UBA6: variants seen among roughly 807,000 people sequenced by gnomAD.
The protein encoded by UBA6 is ubiquitin-like modifier-activating enzyme 6.
In UBA6, 87 loss-of-function variants were observed where a neutral mutation model predicts 148.3. That is an observed-to-expected ratio of 0.59 (90% confidence interval 0.49 to 0.70). The LOEUF (loss-of-function observed/expected upper bound fraction) is 0.70. Among genes scored for constraint, UBA6 ranks in the 30% least tolerant of loss-of-function variants. The pLI is 0.00. For missense variants in UBA6, 1,186 were observed against 1,241.2 expected (o/e 0.96, Z 0.67); for synonymous variants, 376 against 401.0 (o/e 0.94, Z 0.75).
intron 32 of UBA6, among the ~76,000 whole-genome samples, chr4:67,620,482 G>T (rs1178737375): frequency 6.6e-6 from 1 of 152,042 alleles, no homozygotes; most frequent in African/African-American, 2.4e-5. Context: ...ACCTAGCCAG[G>T]TCACTGTCTC....
Position 67,630,484 on chromosome 4 carries a change from A to G in UBA6, c.2310T>C (p.Cys770=). Residue 770 remains cysteine (C), a synonymous_variant, in exon 26 of 33, where the codon TGT becomes TGC. Transcript: ENST00000322244. ...NAAKLYATVY[C]IPFAEEDLSA... Reference sequence around the variant, plus strand: ...ATCTTACCTCTTCTGCAAATGGAATACAATATACTGTAGCATATAGTTTTG... The same window carrying G: ...ATCTTACCTCTTCTGCAAATGGAATGCAATATACTGTAGCATATAGTTTTG... 1 of 1,588,904 alleles carries G rather than the reference A, an allele frequency of 6.3e-7. No individual in the cohort carries two copies. The highest frequency in any genetic ancestry group is 1.1e-5 in the South Asian group (1 of 86,996).
At chr4:67,630,010 G>C (rs1418803558) in intron 26 of UBA6, among the ~76,000 whole-genome samples, 2 of 152,076 alleles carry the variant, frequency 1.3e-5, no homozygotes, top group Non-Finnish European at 2.9e-5. Flanking sequence ...TGAGTATGAT[G>C]CTAAAGTAAG....
At chr4:67,661,460 G>A (rs1560491515) in intron 13 of UBA6, among the ~76,000 whole-genome samples, 1 of 152,118 alleles carries the variant, frequency 6.6e-6, no homozygotes, top group Admixed American at 6.6e-5. Flanking sequence ...CCTGTGAAGA[G>A]GTGCCTGCTT....
intron 14 of UBA6, among the ~76,000 whole-genome samples, chr4:67,647,632 G>A (rs950057438): frequency 2.0e-5 from 3 of 152,012 alleles, no homozygotes; most frequent in East Asian, 1.9e-4. Context: ...ATTAATTTAA[G>A]TTAATGAAGA....
chr4:67,650,647 T>C (rs556909533), intron 13 of UBA6, among the ~76,000 whole-genome samples: 1 of 152,252 alleles, frequency 6.6e-6, no homozygotes, highest in South Asian at 2.1e-4. Context: ...CCATCAGCAC[T>C]CTCTCTGGAT....
At chr4:67,630,666 T>C (rs1387509078) in intron 25 of UBA6, 131 bp from the exon 26 acceptor site, 2 of 608,582 alleles carry the variant, frequency 3.3e-6, no homozygotes, top group Non-Finnish European at 5.2e-6. Context: ...TCAAGTTTTT[T>C]TTTTTAAGTT....
At chr4:67,633,106 GA>G (rs900422112) in intron 23 of UBA6, among the ~76,000 whole-genome samples, 10 of 152,062 alleles carry the variant, frequency 6.6e-5, no homozygotes, top group African/African-American at 2.4e-4. Flanking sequence ...GATATGGGTG[GA>G]AATGGCAAAA....
rs142587617 is a variant in UBA6 at position 67,639,914 on chromosome 4, A to T, written c.1555-790T>A. On this transcript the variant is annotated intron_variant, in intron 18 of 32. Coordinates refer to ENST00000322244, the MANE Select transcript of UBA6 (RefSeq NM_018227.6). ...TTTCAGATCCTGGTTGACCATGGCTAACTGAAACTGTGGCAAGCAAAACTG... is the reference window on the plus strand; with the variant it reads ...TTTCAGATCCTGGTTGACCATGGCTTACTGAAACTGTGGCAAGCAAAACTG... 2.6e-3 allele frequency among the ~76,000 whole-genome samples: 396 copies of T among 152,322 alleles called. 2 individuals carry two copies. Among genetic ancestry groups the T allele is most frequent in the African/African-American group, 8.6e-3 (359 of 41,568 alleles).
intron 13 of UBA6, among the ~76,000 whole-genome samples, chr4:67,656,894 AAGAGATAGCC>A (rs1729712042): frequency 6.6e-6 from 1 of 152,210 alleles, no homozygotes; most frequent in African/African-American, 2.4e-5. Context: ...ATTATAGACA[AAGAGATAGCC>A]AAACTGTGAG....
rs1729079712 is a variant in UBA6 at position 67,634,252 on chromosome 4, T to A, written c.2003A>T (p.Glu668Val). ...TTTACTGATTTTTACCTGTAAGACT[T>A]CTTCTGCAGATGAATAGGTTTGCCA... Reference protein sequence around the residue: ...KFWQTYSSAEEVLQKIQSGHS... With the variant: ...KFWQTYSSAEVVLQKIQSGHS... The change falls in exon 22 of 33, where the codon GAA (glutamate) becomes GTA (valine). Residue 668 changes from glutamate (E) to valine (V), a missense_variant. By Grantham distance (121) the Glu-to-Val change is moderately radical (BLOSUM62 -2). Transcript: ENST00000322244. 2 of 1,588,110 alleles carry A rather than the reference T, an allele frequency of 1.3e-6. No homozygotes were observed. The highest frequency in any genetic ancestry group is 1.7e-6 in the Non-Finnish European group (2 of 1,172,414).
In UBA6 at chr4:67,701,154, G is replaced by A; in HGVS notation, c.-35C>T. Reference sequence around the variant, plus strand: ...AGACACCGCCGCCGGCTACTGGAAGGTAGGAAGGGGCGGGACCGTGGGGGG... The same window carrying A: ...AGACACCGCCGCCGGCTACTGGAAGATAGGAAGGGGCGGGACCGTGGGGGG... On this transcript the variant is annotated 5_prime_UTR_variant, in exon 1 of 33. Transcript: ENST00000322244. 1.3e-6 allele frequency: 2 copies of A among 1,590,882 alleles called. No homozygotes were observed. The highest frequency in any genetic ancestry group is 2.7e-5 in the African/African-American group (2 of 74,242).
At chr4:67,627,150 T>C (rs573690031) in intron 27 of UBA6, among the ~76,000 whole-genome samples, 3 of 152,122 alleles carry the variant, frequency 2.0e-5, no homozygotes, top group Non-Finnish European at 2.9e-5. Flanking sequence ...CGGAAATTAA[T>C]ATTCTCAAAC....
chr4:67,681,994 C>T (rs1730451812), intron 3 of UBA6, 125 bp downstream of exon 3: 1 of 701,214 alleles, frequency 1.4e-6, no homozygotes, highest in African/African-American at 1.8e-5. Flanking sequence ...AGATTAAAAA[C>T]TCAATCTGAT....
chr4:67,690,304 C>A (rs1399739405), intron 2 of UBA6, among the ~76,000 whole-genome samples: 1 of 151,894 alleles, frequency 6.6e-6, no homozygotes, highest in Non-Finnish European at 1.5e-5. Context: ...ATAATCAAAT[C>A]AAAATGAATC....
At position 67,662,835 on chromosome 4, in the gene UBA6, TA is replaced by T. The variant is rs34952044; in HGVS notation, c.1037+303del. The T allele has an allele frequency of 8.5e-3, 1,869 of 220,860 alleles. 4 individuals carry two copies. Among genetic ancestry groups the T allele is most frequent in the Middle Eastern group, 0.012 (7 of 590 alleles). 13.7% of individuals were successfully genotyped at this position (220,860 alleles called of 1,614,324 possible). On this transcript the variant is annotated intron_variant, in intron 12 of 32. Transcript: ENST00000322244. ...ACTCTGACTTAACAGGATATAAAGTTAAAAAAAAAATTACTATGTGTTAATA... is the reference window on the plus strand; with the variant it reads ...ACTCTGACTTAACAGGATATAAAGTTAAAAAAAAATTACTATGTGTTAATA...
chr4:67,697,670 C>T lies in UBA6; in HGVS notation c.72-963G>A, dbSNP rs532890935. 9.8e-4 allele frequency among the ~76,000 whole-genome samples: 149 copies of T among 152,290 alleles called. 1 individual carries two copies. The highest frequency in any genetic ancestry group is 3.1e-3 in the Admixed American group (48 of 15,296). On this transcript the variant is annotated intron_variant, in intron 1 of 32. Coordinates refer to ENST00000322244, the MANE Select transcript of UBA6 (RefSeq NM_018227.6). ...TGCTTAAATCATTCCCCAGTTTTCT[C>T]CATCTGAGACCTGTTAGCTCTACCT...
rs1728870193 is a variant in UBA6 at position 67,626,446 on chromosome 4, G to C, written c.2432C>G (p.Pro811Arg). The C allele has an allele frequency of 1.2e-6, 2 of 1,610,128 alleles. No individual in the cohort carries two copies. Among genetic ancestry groups the C allele is most frequent in the South Asian group, 2.2e-5 (2 of 90,670 alleles). The change falls in exon 28 of 33, where the codon CCA becomes CGA. Residue 811 changes from proline to arginine, a missense_variant. Pro to Arg is a moderately radical substitution (Grantham distance 103). Coordinates refer to ENST00000322244, the MANE Select transcript of UBA6 (RefSeq NM_018227.6). ...TTCACTGCTAATAGGAACATGGTCT[G>C]GTTTCCTTGCAGTTTCATCTGTTTG... ...VVQTDETARK[P>R]DHVPISSEDE...
chr4:67,679,494 T>G (rs1038260235), intron 4 of UBA6, among the ~76,000 whole-genome samples: 1 of 152,140 alleles, frequency 6.6e-6, no homozygotes, highest in Non-Finnish European at 1.5e-5. Context: ...GAGATTTATT[T>G]AAAGTGACTT....
intron 2 of UBA6, among the ~76,000 whole-genome samples, chr4:67,693,609 CAAT>C (rs1481748970): frequency 1.3e-5 from 2 of 152,026 alleles, no homozygotes; most frequent in Non-Finnish European, 2.9e-5. Context: ...GTTTTTACTA[CAAT>C]AATAACTTTT....
Sources: gnomAD v4.1 joint callset for allele counts (sites outside exome capture counted in the v4.1 genomes callset) on GRCh38, gnomAD v4.1.1 for gene constraint, MANE v1.5 for transcripts, NCBI Gene and HGNC (gene_info 2026-07-23, HGNC 2026-07-21) for gene names.